The following PCSK5 variants were observed in gnomAD, a reference collection of about 807,000 sequenced individuals.
The protein encoded by PCSK5 is proprotein convertase subtilisin/kexin type 5, also known as prohormone convertase 5.
In PCSK5, 129 loss-of-function variants were observed where a neutral mutation model predicts 233.2. The ratio of observed to expected loss-of-function variants is 0.55; its 90% CI spans 0.48 to 0.64. The LOEUF (loss-of-function observed/expected upper bound fraction) is 0.64. Among genes scored for constraint, PCSK5 ranks in the 30% least tolerant of loss-of-function variants. PCSK5 has a pLI of 0.00. For missense variants in PCSK5, 2,076 were observed against 2,430.1 expected (o/e 0.85, Z 3.06); for synonymous variants, 825 against 879.2 (o/e 0.94, Z 1.09).
At chr9:76,212,514 C>T (rs1024009300) in intron 20 of PCSK5, among the ~76,000 whole-genome samples, 6 of 152,298 alleles carry the variant, frequency 3.9e-5, no homozygotes, top group East Asian at 1.9e-4. Context: ...TGTGGTTAAA[C>T]GCACAGTGCT....
At chr9:76,249,530 G>A (rs1302403849) in intron 24 of PCSK5, among the ~76,000 whole-genome samples, 2 of 147,178 alleles carry the variant, frequency 1.4e-5, no homozygotes, top group Non-Finnish European at 2.9e-5. Flanking sequence ...AAAGGACTTA[G>A]AAGCTACAAT....
At chr9:75,918,173 G>A (rs139176511) in intron 1 of PCSK5, among the ~76,000 whole-genome samples, 12 of 152,222 alleles carry the variant, frequency 7.9e-5, no homozygotes, top group South Asian at 2.1e-4. Flanking sequence ...GGCCCTTAGC[G>A]TTATAAAAGA....
chr9:76,095,307 AC>A (rs1831462737), intron 7 of PCSK5, among the ~76,000 whole-genome samples: 1 of 152,200 alleles, frequency 6.6e-6, no homozygotes, highest in South Asian at 2.1e-4. Context: ...TAGAGGCATA[AC>A]CTCTCTATAC....
At chr9:75,951,836 C>CT (rs1824872970) in intron 2 of PCSK5, among the ~76,000 whole-genome samples, 1 of 152,126 alleles carries the variant, frequency 6.6e-6, no homozygotes, top group Non-Finnish European at 1.5e-5. Context: ...TATAAGTAAT[C>CT]TAGAGATGGC....
At chr9:76,160,699 A>C (rs1241599650) in intron 12 of PCSK5, among the ~76,000 whole-genome samples, 1 of 152,194 alleles carries the variant, frequency 6.6e-6, no homozygotes, top group East Asian at 1.9e-4. Flanking sequence ...CATCTACTAT[A>C]GGACAGTGAG....
At chr9:76,236,624 C>T (rs1161908703) in intron 22 of PCSK5, among the ~76,000 whole-genome samples, 1 of 152,190 alleles carries the variant, frequency 6.6e-6, no homozygotes, top group Non-Finnish European at 1.5e-5. Context: ...TTGAGCAGGG[C>T]TACTCAAAAT....
chr9:75,975,582 A>G (rs1292213373), intron 2 of PCSK5, among the ~76,000 whole-genome samples: 1 of 152,164 alleles, frequency 6.6e-6, no homozygotes, highest in Admixed American at 6.6e-5. Context: ...CACTTGATAT[A>G]CAACTTGAGG....
At chr9:76,234,026 A>ATT (rs1257945811) in intron 22 of PCSK5, among the ~76,000 whole-genome samples, 1 of 152,088 alleles carries the variant, frequency 6.6e-6, no homozygotes, top group Non-Finnish European at 1.5e-5. Context: ...GTTTCAAATG[A>ATT]TTACAAATGT....
At chr9:76,351,491 A>G (rs1218140633) in intron 36 of PCSK5, among the ~76,000 whole-genome samples, 3 of 59,752 alleles carry the variant, frequency 5.0e-5, no homozygotes, top group South Asian at 7.9e-4. Context: ...AAAGAAAGAA[A>G]GAAAGAAAGA....
chr9:76,090,960 G>A (rs1167148419), intron 7 of PCSK5, among the ~76,000 whole-genome samples: 2 of 121,220 alleles, frequency 1.6e-5, no homozygotes, highest in East Asian at 2.2e-4. Context: ...CCTCGCATGC[G>A]TAGGTCATAA....
chr9:75,922,450 C>A (rs1399241387), intron 1 of PCSK5, among the ~76,000 whole-genome samples: 1 of 152,080 alleles, frequency 6.6e-6, no homozygotes, highest in Non-Finnish European at 1.5e-5. Context: ...GGGAAGTAAC[C>A]TGCAAAAGCT....
intron 36 of PCSK5, 64 bp downstream of exon 36, chr9:76,350,992 T>G: frequency 1.3e-6 from 1 of 797,636 alleles, no homozygotes; most frequent in Non-Finnish European, 2.1e-6. Context: ...GCTTACTTCC[T>G]GCATGTCATT....
chr9:76,127,799 T>C (rs1822573906), intron 9 of PCSK5, among the ~76,000 whole-genome samples: 1 of 152,186 alleles, frequency 6.6e-6, no homozygotes, highest in Admixed American at 6.5e-5. Context: ...AAGCTCTTTA[T>C]TTCCATTACC....
At chr9:76,082,359 T>C (rs1830876276) in intron 7 of PCSK5, among the ~76,000 whole-genome samples, 1 of 152,210 alleles carries the variant, frequency 6.6e-6, no homozygotes, top group Admixed American at 6.5e-5. Flanking sequence ...GAGTTGACAA[T>C]GCTTCAGCTG....
intron 2 of PCSK5, among the ~76,000 whole-genome samples, chr9:75,947,820 A>C (rs934339117): frequency 3.4e-4 from 52 of 152,132 alleles, no homozygotes; most frequent in African/African-American, 1.3e-3. Flanking sequence ...CCAGAGTTCT[A>C]CTAACCATTC....
At chr9:75,999,898 G>A (rs554445855) in intron 3 of PCSK5, among the ~76,000 whole-genome samples, 114 of 152,210 alleles carry the variant, frequency 7.5e-4, no homozygotes, top group Non-Finnish European at 1.5e-3. Context: ...CCAAAAGCAG[G>A]GGCAACAAAA....
At chr9:75,917,089 A>G (rs1823033331) in intron 1 of PCSK5, among the ~76,000 whole-genome samples, 1 of 151,686 alleles carries the variant, frequency 6.6e-6, no homozygotes, top group Non-Finnish European at 1.5e-5. Flanking sequence ...GAATCACTTG[A>G]ACCTGGGAAG....
chr9:76,145,264 C>CT (rs887370832), intron 10 of PCSK5, among the ~76,000 whole-genome samples: 6 of 152,000 alleles, frequency 3.9e-5, no homozygotes, highest in African/African-American at 1.5e-4. Context: ...TTTTCAGGTA[C>CT]TTTTTTTTAC....
intron 7 of PCSK5, among the ~76,000 whole-genome samples, chr9:76,084,613 T>C (rs953758646): frequency 6.6e-6 from 1 of 152,170 alleles, no homozygotes; most frequent in African/African-American, 2.4e-5. Context: ...TAGTATGGTA[T>C]AGTATGGGTG....
Sources: allele counts gnomAD v4.1 joint callset (sites outside exome capture counted in the v4.1 genomes callset), GRCh38; gene constraint gnomAD v4.1.1; transcripts MANE v1.5; gene names NCBI Gene and HGNC (gene_info 2026-07-23, HGNC 2026-07-21).